Variants in RNF220 observed in about 807,000 individuals in gnomAD.
RNF220 encodes the protein E3 ubiquitin-protein ligase RNF220.
Under a neutral mutation model 67.1 loss-of-function variants are expected in RNF220, and 7 were observed. The ratio of observed to expected loss-of-function variants is 0.10; its 90% confidence interval spans 0.06 to 0.20. The LOEUF (loss-of-function observed/expected upper bound fraction) is 0.20, where lower values mean the gene tolerates loss of function less well. RNF220 is among the 10% of genes least tolerant of loss of function. The pLI is 1.00. For missense variants in RNF220, 565 were observed against 740.3 expected (o/e 0.76, Z 2.75); for synonymous variants, 270 against 283.2 (o/e 0.95, Z 0.47).
At chr1:44,631,922 T>A in intron 5 of RNF220, 1 of 987,390 alleles carries the variant, frequency 1.0e-6, no homozygotes, top group Non-Finnish European at 1.2e-6. Flanking sequence ...CCCGCCGCAT[T>A]GTGAACTTTC....
At chr1:44,626,740 T>C (rs1643952477) in intron 5 of RNF220, 4 of 238,980 alleles carry the variant, frequency 1.7e-5, no homozygotes, top group Non-Finnish European at 3.3e-5. Context: ...GATTTCAGAC[T>C]TCAAAAGCAT....
rs150738285 is a variant in RNF220 at position 44,541,422 on chromosome 1, C to T, written c.626-72743C>T. On this transcript the variant is annotated intron_variant, in intron 2 of 14. Coordinates refer to ENST00000361799, the MANE Select transcript of RNF220 (RefSeq NM_018150.4). ...CAGTCTGGGTGACAGAGTGAGACTC[C>T]GTCTCAACAACAAAAAAAGAAAAAA... is the stretch of plus-strand genomic sequence containing the variant. Among the ~76,000 whole-genome samples, 423 of 152,236 alleles carry T rather than the reference C, an allele frequency of 2.8e-3. 1 individual carries two copies. Among genetic ancestry groups the T allele is most frequent in the Non-Finnish European group, 4.4e-3 (301 of 68,018 alleles).
At chr1:44,529,494 C>G (rs576258246) in intron 2 of RNF220, among the ~76,000 whole-genome samples, 2 of 152,088 alleles carry the variant, frequency 1.3e-5, no homozygotes, top group African/African-American at 2.4e-5. Flanking sequence ...CCTGCCTCAG[C>G]CACTCGAGTA....
chr1:44,601,726 A>C (rs1666933713), intron 2 of RNF220, among the ~76,000 whole-genome samples: 1 of 152,212 alleles, frequency 6.6e-6, no homozygotes, highest in Non-Finnish European at 1.5e-5. Context: ...TCAAGATAGT[A>C]AAATATTATT....
At chr1:44,486,566 T>C (rs998111043) in intron 2 of RNF220, among the ~76,000 whole-genome samples, 16 of 152,236 alleles carry the variant, frequency 1.1e-4, no homozygotes, top group African/African-American at 3.4e-4. Context: ...ATCAGGCTGG[T>C]TTTTTATCAA....
At chr1:44,549,766 C>T (rs561714286) in intron 2 of RNF220, among the ~76,000 whole-genome samples, 2 of 152,276 alleles carry the variant, frequency 1.3e-5, no homozygotes, top group African/African-American at 4.8e-5. Context: ...CTGCAGGGGC[C>T]GCCTGAATGA....
At chr1:44,423,922 C>G (rs536751191) in intron 2 of RNF220, 990 of 985,272 alleles carry the variant, frequency 1.0e-3, no homozygotes, top group Non-Finnish European at 1.1e-3. Flanking sequence ...GCCTGGCACA[C>G]GTCGGCATGC....
intron 2 of RNF220, among the ~76,000 whole-genome samples, chr1:44,547,363 T>C (rs1009212254): frequency 1.3e-5 from 2 of 152,250 alleles, no homozygotes; most frequent in African/African-American, 2.4e-5. Context: ...TTGGTGAATC[T>C]GTTCTCCTAA....
At chr1:44,549,844 G>T (rs1383144777) in intron 2 of RNF220, among the ~76,000 whole-genome samples, 1 of 152,214 alleles carries the variant, frequency 6.6e-6, no homozygotes, top group Non-Finnish European at 1.5e-5. Context: ...ACCCACCTTC[G>T]CCCTGAGTAG....
At chr1:44,516,576 A>G (rs1042736847) in intron 2 of RNF220, among the ~76,000 whole-genome samples, 1 of 152,134 alleles carries the variant, frequency 6.6e-6, no homozygotes, top group Non-Finnish European at 1.5e-5. Flanking sequence ...TGTGCAGTGT[A>G]TAAGGATAGT....
chr1:44,441,551 A>G (rs1651555932), intron 2 of RNF220, among the ~76,000 whole-genome samples: 1 of 152,246 alleles, frequency 6.6e-6, no homozygotes, highest in Non-Finnish European at 1.5e-5. Context: ...CTTGGAGATG[A>G]GCAATATTCT....
At chr1:44,555,651 T>C (rs1388716950) in intron 2 of RNF220, among the ~76,000 whole-genome samples, 1 of 149,268 alleles carries the variant, frequency 6.7e-6, no homozygotes, top group Admixed American at 6.6e-5. Flanking sequence ...ATTTTTTCTA[T>C]TTTTTAGTAG....
At chr1:44,493,660 G>T (rs1657062027) in intron 2 of RNF220, among the ~76,000 whole-genome samples, 1 of 151,960 alleles carries the variant, frequency 6.6e-6, no homozygotes, top group Admixed American at 6.6e-5. Context: ...TCGGATAAGG[G>T]ATATGCAACC....
chr1:44,482,544 T>C (rs1045627131), intron 2 of RNF220, among the ~76,000 whole-genome samples: 2 of 152,240 alleles, frequency 1.3e-5, no homozygotes, highest in African/African-American at 4.8e-5. Context: ...ATGCTCTGGT[T>C]GTCATGAGGC....
chr1:44,406,046 T>C (rs1647297273), intron 1 of RNF220, among the ~76,000 whole-genome samples: 1 of 152,026 alleles, frequency 6.6e-6, no homozygotes, highest in Non-Finnish European at 1.5e-5. Flanking sequence ...GGCTGGGTGG[T>C]ACTCAGTGGG....
chr1:44,618,787 G>T (rs1043139261), intron 3 of RNF220, among the ~76,000 whole-genome samples: 1 of 152,180 alleles, frequency 6.6e-6, no homozygotes, highest in African/African-American at 2.4e-5. Context: ...GGGTCCAGGG[G>T]AAAGTTGGTG....
intron 1 of RNF220, chr1:44,410,479 A>G (rs1342172695): frequency 6.6e-6 from 1 of 152,250 alleles, no homozygotes; most frequent in Non-Finnish European, 1.5e-5. Context: ...ATAATCTGGT[A>G]ATTTAGCAAT....
chr1:44,530,037 G>C (rs2148187512), intron 2 of RNF220, among the ~76,000 whole-genome samples: 1 of 149,270 alleles, frequency 6.7e-6, no homozygotes, highest in Admixed American at 6.7e-5. Context: ...CTGGGTGACA[G>C]AGTGAGACTC....
At chr1:44,502,979 C>T (rs114408482) in intron 2 of RNF220, among the ~76,000 whole-genome samples, 126 of 151,792 alleles carry the variant, frequency 8.3e-4, no homozygotes, top group African/African-American at 2.9e-3. Flanking sequence ...GCTGTGTTGC[C>T]CAGGCTGCAT....
Sources: gnomAD v4.1 joint callset for allele counts (sites outside exome capture counted in the v4.1 genomes callset) on GRCh38, gnomAD v4.1.1 for gene constraint, MANE v1.5 for transcripts, NCBI Gene and HGNC (gene_info 2026-07-23, HGNC 2026-07-21) for gene names.